Variants in MCMBP observed in about 807,000 individuals in gnomAD.
MCMBP encodes the protein minichromosome maintenance complex binding protein.
MCMBP carries 31 observed loss-of-function variants against 81.3 expected under a neutral mutation model. That is an observed-to-expected ratio of 0.38 (90% CI 0.29 to 0.51). MCMBP has a LOEUF of 0.51. MCMBP is among the 20% of genes least tolerant of loss of function. The pLI is 0.87. For synonymous variants in MCMBP, 267 were observed against 275.9 expected, an observed-to-expected ratio of 0.97 and a Z score of 0.32; for missense variants, 645 against 772.1, an observed-to-expected ratio of 0.84 and a Z score of 1.95.
Position 119,857,639 on chromosome 10 carries a change from C to T in MCMBP, c.328-200G>A, listed in dbSNP as rs556404859. 34 of 410,838 alleles carry T rather than the reference C, an allele frequency of 8.3e-5. No homozygotes were observed. In the South Asian group the frequency reaches 1.2e-3, roughly 14 times the overall value. The allele number at this position is 410,838 out of a possible 1,614,324, so 25.4% of individuals were successfully genotyped here. ...CTTCAAATACTGTCATCAAACACTTCCTCCCTCAAATCCAGAAAAATGGGA... is the reference window on the plus strand; with the variant it reads ...CTTCAAATACTGTCATCAAACACTTTCTCCCTCAAATCCAGAAAAATGGGA... On this transcript the variant is annotated intron_variant, in intron 4 of 15. Coordinates refer to ENST00000369077, the MANE Select transcript of MCMBP (RefSeq NM_001256378.2).
At chr10:119,864,666 T>C (rs1853389315) in intron 1 of MCMBP, among the ~76,000 whole-genome samples, 1 of 152,176 alleles carries the variant, frequency 6.6e-6, no homozygotes, top group Non-Finnish European at 1.5e-5. Flanking sequence ...TTCTCTATTA[T>C]TTCTTTCTTC....
In MCMBP at chr10:119,843,393, G is replaced by T; in HGVS notation, c.861C>A (p.Cys287Ter). The T allele has an allele frequency of 6.2e-7, 1 of 1,613,950 alleles. No homozygotes were observed. Among genetic ancestry groups the T allele is most frequent in the Non-Finnish European group, 8.5e-7 (1 of 1,179,868 alleles). ...DASALLDPME[C>*]TDTAEEQRVH... ...CTCTCTGCTCCTCTGCTGTGTCTGT[G>T]CACTCCATCGGATCCAGCAGTGCAG... is the stretch of plus-strand genomic sequence containing the variant. Residue 287 changes from cysteine (C) to a stop codon, truncating the protein, a stop_gained, in exon 9 of 16, where the codon TGC becomes TGA. Coordinates refer to ENST00000369077, the MANE Select transcript of MCMBP (RefSeq NM_001256378.2). LOFTEE classifies it high-confidence loss of function.
rs1401837437 is a variant in MCMBP, at chr10:119,852,352, A to ACCATAACAAAGAAAT, written c.574+683_574+697dup. Among the ~76,000 whole-genome samples, 7 of 152,018 alleles carry ACCATAACAAAGAAAT rather than the reference A, an allele frequency of 4.6e-5. No individual in the cohort carries two copies. In the South Asian group the frequency reaches 1.5e-3, roughly 32 times the overall value. On this transcript the variant is annotated intron_variant, in intron 6 of 15. Coordinates refer to ENST00000369077, the MANE Select transcript of MCMBP (RefSeq NM_001256378.2). ...AATATAAAGACAAACTTATATACCCACCATAACAAAGAAATCCACTGCTTA... is the reference window on the plus strand; with the variant it reads ...AATATAAAGACAAACTTATATACCCACCATAACAAAGAAATCCATAACAAAGAAATCCACTGCTTA...
chr10:119,842,153 TC>T (rs1436091343), intron 10 of MCMBP, among the ~76,000 whole-genome samples: 1 of 152,192 alleles, frequency 6.6e-6, no homozygotes, highest in Non-Finnish European at 1.5e-5. Flanking sequence ...TGGAACGGTT[TC>T]ATACTGAAAC....
In MCMBP at chr10:119,843,396, C is replaced by T. The variant is rs867110314; in HGVS notation, c.858G>A (p.Glu286=). The change falls in exon 9 of 16, where the codon GAG becomes GAA. Residue 286 remains glutamate (E), a synonymous_variant. Coordinates refer to ENST00000369077, the MANE Select transcript of MCMBP (RefSeq NM_001256378.2). ...RDASALLDPM[E]CTDTAEEQRV... is the part of the protein sequence containing the mutation. ...TCTGCTCCTCTGCTGTGTCTGTGCA[C>T]TCCATCGGATCCAGCAGTGCAGAGG... 2 of 1,613,964 alleles carry T rather than the reference C, an allele frequency of 1.2e-6. No homozygotes were observed. Among genetic ancestry groups the T allele is most frequent in the Non-Finnish European group, 1.7e-6 (2 of 1,179,886 alleles).
At position 119,857,322 on chromosome 10, in the gene MCMBP, T is replaced by G; in HGVS notation, c.429+16A>C. 6.4e-7 allele frequency: 1 copy of G among 1,558,694 alleles called. No homozygotes were observed. The highest frequency in any genetic ancestry group is 8.8e-7 in the Non-Finnish European group (1 of 1,136,406). ...AGAAACCATCAACACAGTAAGAAAG[T>G]TCAGATAAAGGATATTTCTTTTACC... On this transcript the variant is annotated intron_variant, in intron 5 of 15. Transcript: ENST00000369077.
chr10:119,835,639 G>C lies in MCMBP; in HGVS notation c.1608C>G (p.Ser536Arg). ...CGGAAGGCAGCACCGCTGAGAGAAG[G>C]CTGTTCATGTACTCCTCCATGTTTG... ...IPPNMEEYMN[S>R]LLSAVLPSVL... The change falls in exon 14 of 16, where the codon AGC becomes AGG. Residue 536 changes from serine (S) to arginine (R), a missense_variant. Transcript: ENST00000369077. 2 of 1,614,246 alleles carry C rather than the reference G, an allele frequency of 1.2e-6. No homozygotes were observed. Among genetic ancestry groups the C allele is most frequent in the Non-Finnish European group, 1.7e-6 (2 of 1,180,042 alleles).
chr10:119,855,554 C>T (rs1853007021), intron 5 of MCMBP, among the ~76,000 whole-genome samples: 1 of 152,126 alleles, frequency 6.6e-6, no homozygotes, highest in African/African-American at 2.4e-5. Context: ...CACCTGCAAT[C>T]CCAGCTACTT....
intron 6 of MCMBP, among the ~76,000 whole-genome samples, chr10:119,851,350 A>G (rs1345270427): frequency 6.6e-6 from 1 of 152,246 alleles, no homozygotes; most frequent in Non-Finnish European, 1.5e-5. Flanking sequence ...AGAAATAAAA[A>G]GTAGCATCAA....
chr10:119,849,799 TC>T lies in MCMBP; in HGVS notation c.575-224del, dbSNP rs532925140. Among the ~76,000 whole-genome samples the T allele has an allele frequency of 1.6e-3, 242 of 152,336 alleles. 1 individual carries two copies. The highest frequency in any genetic ancestry group is 5.6e-3 in the African/African-American group (232 of 41,576). ...AAGATCTAAAAATTTTACTTTTTTTTCCCTTACTGTAAGATATCAACAAATT... is the reference window on the plus strand; with the variant it reads ...AAGATCTAAAAATTTTACTTTTTTTTCCTTACTGTAAGATATCAACAAATT... On this transcript the variant is annotated intron_variant, in intron 6 of 15. Coordinates refer to ENST00000369077, the MANE Select transcript of MCMBP (RefSeq NM_001256378.2).
chr10:119,832,053 GCT>G lies in MCMBP; in HGVS notation c.1753_1754del (p.Ser585HisfsTer4), dbSNP rs1852066208. On this transcript the variant is annotated frameshift_variant, in exon 15 of 16. Coordinates refer to ENST00000369077, the MANE Select transcript of MCMBP (RefSeq NM_001256378.2). LOFTEE classifies it high-confidence loss of function. ...FVEMRKNDPQSITADDLHQLL... is the reference protein window; with the variant it reads ...FVEMRKNDPQXITADDLHQLL... ...GCTGGTGAAGATCATCAGCAGTGATGCTCTGAGGGTCGTTCTTCCGCATTTCC... is the reference window on the plus strand; with the variant it reads ...GCTGGTGAAGATCATCAGCAGTGATGCTGAGGGTCGTTCTTCCGCATTTCC... 2 of 1,613,204 alleles carry G rather than the reference GCT, an allele frequency of 1.2e-6. No individual in the cohort carries two copies. Among genetic ancestry groups the G allele is most frequent in the Non-Finnish European group, 8.5e-7 (1 of 1,179,804 alleles).
intron 1 of MCMBP, among the ~76,000 whole-genome samples, chr10:119,862,413 T>G (rs1564885944): frequency 6.6e-6 from 1 of 152,194 alleles, no homozygotes; most frequent in East Asian, 1.9e-4. Context: ...ATCCTTACCA[T>G]ATTGCTGCAA....
intron 6 of MCMBP, among the ~76,000 whole-genome samples, chr10:119,851,250 T>C (rs1478476828): frequency 6.6e-6 from 1 of 152,120 alleles, no homozygotes; most frequent in Non-Finnish European, 1.5e-5. Flanking sequence ...GCCTAAAACA[T>C]TGACTAAACA....
chr10:119,850,809 T>C (rs985051033), intron 6 of MCMBP, among the ~76,000 whole-genome samples: 17 of 150,018 alleles, frequency 1.1e-4, no homozygotes, highest in Non-Finnish European at 1.6e-4. Flanking sequence ...GGTTATGACA[T>C]TCTACTATAA....
intron 5 of MCMBP, 93 bp from the exon 6 acceptor site, chr10:119,853,287 C>T (rs1466995680): frequency 2.3e-6 from 3 of 1,320,940 alleles, no homozygotes; most frequent in Admixed American, 2.2e-5. Flanking sequence ...ACTAGTTTGG[C>T]AATTCAGTTA....
At chr10:119,843,708 C>T (rs1244664048) in intron 8 of MCMBP, among the ~76,000 whole-genome samples, 2 of 152,040 alleles carry the variant, frequency 1.3e-5, no homozygotes, top group African/African-American at 2.4e-5. Flanking sequence ...GTTGCCCAGG[C>T]TGGAGTGCAG....
intron 14 of MCMBP, among the ~76,000 whole-genome samples, chr10:119,833,957 A>G (rs1852145448): frequency 6.6e-6 from 1 of 152,226 alleles, no homozygotes. Flanking sequence ...AATATAGTAA[A>G]AATTCTCTAG....
At chr10:119,854,323 T>G (rs1350451167) in intron 5 of MCMBP, among the ~76,000 whole-genome samples, 1 of 151,788 alleles carries the variant, frequency 6.6e-6, no homozygotes. Flanking sequence ...ATTATAGGCA[T>G]GAGCCACTGT....
At chr10:119,860,845 G>C (rs926849839) in intron 1 of MCMBP, among the ~76,000 whole-genome samples, 2 of 152,164 alleles carry the variant, frequency 1.3e-5, no homozygotes, top group African/African-American at 4.8e-5. Context: ...CTGTATAAGT[G>C]ATGTTTATCC....
Sources: gnomAD v4.1 joint callset for allele counts (sites outside exome capture counted in the v4.1 genomes callset) on GRCh38, gnomAD v4.1.1 for gene constraint, MANE v1.5 for transcripts, NCBI Gene and HGNC (gene_info 2026-07-23, HGNC 2026-07-21) for gene names.